Variants in PTPRM observed in about 807,000 individuals in gnomAD.
The protein encoded by PTPRM is receptor-type tyrosine-protein phosphatase mu.
A neutral mutation model predicts 186.7 loss-of-function variants in PTPRM; 47 were observed. The observed-to-expected ratio is 0.25, with a 90% CI of 0.20 to 0.32. PTPRM has a LOEUF of 0.32. Among genes scored for constraint, PTPRM ranks in the 10% least tolerant of loss-of-function variants. The pLI is 1.00. For synonymous variants in PTPRM, 668 were observed against 674.9 expected, an observed-to-expected ratio of 0.99 and a Z score of 0.16; for missense variants, 1,494 against 1,865.0, an observed-to-expected ratio of 0.80 and a Z score of 3.66.
In PTPRM at chr18:8,371,020, C is replaced by T. The variant is rs1172164353; in HGVS notation, c.3171+14C>T. ...GCTGTTGAAAAGGTAAGTTTTCATA[C>T]TGCTTTTAAAAGCTATGGTCAGACA... On this transcript the variant is annotated intron_variant, in intron 24 of 32. Coordinates refer to ENST00000580170, the MANE Select transcript of PTPRM (RefSeq NM_001105244.2). The T allele has an allele frequency of 8.7e-6, 13 of 1,490,082 alleles. No individual in the cohort carries two copies. The highest frequency in any genetic ancestry group is 1.2e-5 in the Non-Finnish European group (13 of 1,072,116). The allele number at this position is 1,490,082 out of a possible 1,614,324, so 92.3% of individuals were successfully genotyped here.
At position 8,143,741 on chromosome 18, in the gene PTPRM, G is replaced by C. The variant is rs761464231; in HGVS notation, c.2262G>C (p.Val754=). ...TCATCGCGGGCATCTTGCTGTTCGT[G>C]ATTATATTTCTTGGAGTTGTGTTGG... is the stretch of plus-strand genomic sequence containing the variant. ...AGVIAGILLF[V]IIFLGVVLVM... is the part of the protein sequence containing the mutation. The change falls in exon 14 of 33, where the codon GTG becomes GTC. Residue 754 remains valine, a synonymous_variant. Coordinates refer to ENST00000580170, the MANE Select transcript of PTPRM (RefSeq NM_001105244.2). 6.2e-7 allele frequency: 1 copy of C among 1,614,086 alleles called. No individual in the cohort carries two copies. The highest frequency in any genetic ancestry group is 8.5e-7 in the Non-Finnish European group (1 of 1,179,944).
chr18:7,640,732 G>C (rs772876142), intron 1 of PTPRM, among the ~76,000 whole-genome samples: 5 of 152,140 alleles, frequency 3.3e-5, no homozygotes, highest in Non-Finnish European at 5.9e-5. Flanking sequence ...CTGGAATCTG[G>C]CCTTTAGATT....
At chr18:7,609,544 C>CCCTTTTTTTTTTAAAG (rs1357959457) in intron 1 of PTPRM, among the ~76,000 whole-genome samples, 3 of 145,332 alleles carry the variant, frequency 2.1e-5, no homozygotes, top group East Asian at 4.0e-4. Flanking sequence ...TTTTTAAAGG[C>CCCTTTTTTTTTTAAAG]AAGCCCTGTC....
intron 13 of PTPRM, among the ~76,000 whole-genome samples, chr18:8,116,957 A>G (rs2091980415): frequency 6.6e-6 from 1 of 152,132 alleles, no homozygotes; most frequent in African/African-American, 2.4e-5. Context: ...CCTGCATAAC[A>G]TTGTCATTCT....
At chr18:7,943,749 C>G (rs1181558706) in intron 5 of PTPRM, among the ~76,000 whole-genome samples, 1 of 152,298 alleles carries the variant, frequency 6.6e-6, no homozygotes. Flanking sequence ...ACCTCTGCTT[C>G]TGTTATCTTT....
At chr18:8,234,019 T>C (rs1031424744) in intron 14 of PTPRM, among the ~76,000 whole-genome samples, 1 of 152,196 alleles carries the variant, frequency 6.6e-6, no homozygotes, top group Non-Finnish European at 1.5e-5. Flanking sequence ...CTGTCTTGAT[T>C]ACTGTAGCTT....
chr18:7,583,403 T>C (rs1241214535), intron 1 of PTPRM, among the ~76,000 whole-genome samples: 2 of 152,204 alleles, frequency 1.3e-5, no homozygotes, highest in Non-Finnish European at 2.9e-5. Flanking sequence ...CTACAGCTGA[T>C]TTTAGATCCA....
At chr18:8,354,564 C>T (rs1260574898) in intron 23 of PTPRM, among the ~76,000 whole-genome samples, 1 of 152,158 alleles carries the variant, frequency 6.6e-6, no homozygotes, top group Non-Finnish European at 1.5e-5. Flanking sequence ...TTCACAAGCC[C>T]TATTGCTCTT....
At chr18:8,327,309 A>C (rs1421740461) in intron 22 of PTPRM, among the ~76,000 whole-genome samples, 3 of 152,244 alleles carry the variant, frequency 2.0e-5, no homozygotes, top group Non-Finnish European at 4.4e-5. Context: ...GGAGAACCAG[A>C]TGCCAGATAG....
At chr18:8,227,921 G>T (rs569206180) in intron 14 of PTPRM, among the ~76,000 whole-genome samples, 48 of 152,268 alleles carry the variant, frequency 3.2e-4, no homozygotes, top group African/African-American at 1.0e-3. Flanking sequence ...CATATTTCTT[G>T]CACTGTCACC....
At chr18:7,704,198 G>C (rs2040025995) in intron 1 of PTPRM, among the ~76,000 whole-genome samples, 1 of 152,132 alleles carries the variant, frequency 6.6e-6, no homozygotes, top group South Asian at 2.1e-4. Context: ...AAATGAGTTA[G>C]GGAGGATTTC....
intron 1 of PTPRM, among the ~76,000 whole-genome samples, chr18:7,612,042 C>T (rs938851061): frequency 6.6e-6 from 1 of 152,106 alleles, no homozygotes; most frequent in African/African-American, 2.4e-5. Flanking sequence ...CTGTCATTGA[C>T]ACATGACTGT....
intron 7 of PTPRM, among the ~76,000 whole-genome samples, chr18:8,009,662 C>G (rs950764561): frequency 1.3e-5 from 2 of 151,858 alleles, no homozygotes; most frequent in Non-Finnish European, 2.9e-5. Context: ...GAGCCAAGAT[C>G]GCACCACTGC....
At chr18:8,081,679 T>C (rs969697562) in intron 9 of PTPRM, among the ~76,000 whole-genome samples, 19 of 152,140 alleles carry the variant, frequency 1.2e-4, no homozygotes, top group Middle Eastern at 3.4e-3. Flanking sequence ...AGAGTTAGAG[T>C]GCCCCTGCTG....
chr18:8,165,865 T>TG (rs2093315927), intron 14 of PTPRM, among the ~76,000 whole-genome samples: 1 of 152,190 alleles, frequency 6.6e-6, no homozygotes, highest in Non-Finnish European at 1.5e-5. Flanking sequence ...CTTATGGGCT[T>TG]GATTTTTTTT....
chr18:8,127,244 C>CAGCT (rs1271527521), intron 13 of PTPRM, among the ~76,000 whole-genome samples: 1 of 152,102 alleles, frequency 6.6e-6, no homozygotes, highest in African/African-American at 2.4e-5. Flanking sequence ...GGGAATGGAT[C>CAGCT]AGCTGCAGCC....
At chr18:7,759,815 T>A (rs747145385) in intron 1 of PTPRM, among the ~76,000 whole-genome samples, 14 of 152,152 alleles carry the variant, frequency 9.2e-5, no homozygotes, top group Non-Finnish European at 1.9e-4. Context: ...GATGGAAAAA[T>A]GTAGACTTAC....
intron 31 of PTPRM, among the ~76,000 whole-genome samples, chr18:8,391,758 G>C (rs1294321857): frequency 6.6e-6 from 1 of 152,208 alleles, no homozygotes; most frequent in South Asian, 2.1e-4. Context: ...AACTGATTCA[G>C]AATTTCATAA....
At chr18:7,760,646 G>A (rs1185591913) in intron 1 of PTPRM, among the ~76,000 whole-genome samples, 2 of 152,110 alleles carry the variant, frequency 1.3e-5, no homozygotes, top group Non-Finnish European at 2.9e-5. Flanking sequence ...AGCTAGATAG[G>A]TAAGTGCGTC....
Sources: gnomAD v4.1 joint callset for allele counts (sites outside exome capture counted in the v4.1 genomes callset) on GRCh38, gnomAD v4.1.1 for gene constraint, MANE v1.5 for transcripts, NCBI Gene and HGNC (gene_info 2026-07-23, HGNC 2026-07-21) for gene names.